ELAPOR2: variants seen among roughly 807,000 people sequenced by gnomAD.
ELAPOR2 encodes endosome-lysosome associated apoptosis and autophagy regulator family member 2.
A neutral mutation model predicts 120.7 loss-of-function variants in ELAPOR2; 89 were observed. That is an observed-to-expected ratio of 0.74 (90% CI 0.62 to 0.88). ELAPOR2 has a LOEUF of 0.88. ELAPOR2 is among the 40% of genes least tolerant of loss of function. The pLI is 0.00. For missense variants in ELAPOR2, 1,134 were observed against 1,251.6 expected (o/e 0.91, Z 1.42); for synonymous variants, 444 against 444.9 (o/e 1.00, Z 0.03).
intron 1 of ELAPOR2, among the ~76,000 whole-genome samples, chr7:86,994,671 A>G (rs1793065923): frequency 6.6e-6 from 1 of 152,132 alleles, no homozygotes; most frequent in Admixed American, 6.5e-5. Context: ...GTAAAAGTAA[A>G]TTGATTGGTA....
intron 8 of ELAPOR2, among the ~76,000 whole-genome samples, chr7:86,934,787 C>T (rs1406430090): frequency 6.6e-6 from 1 of 151,952 alleles, no homozygotes; most frequent in Non-Finnish European, 1.5e-5. Context: ...TCCAATATCT[C>T]CTCTTGCCCC....
At chr7:86,892,827 G>C in intron 20 of ELAPOR2, 95 bp downstream of exon 20, 3 of 1,142,748 alleles carry the variant, frequency 2.6e-6, no homozygotes, top group Non-Finnish European at 3.5e-6. Flanking sequence ...GTGTCTCTGA[G>C]AGAATCTATT....
At chr7:87,052,297 G>T (rs543566536) in intron 1 of ELAPOR2, among the ~76,000 whole-genome samples, 1 of 152,172 alleles carries the variant, frequency 6.6e-6, no homozygotes, top group South Asian at 2.1e-4. Context: ...CTCACATGGC[G>T]GCAGACAAGA....
At chr7:86,993,020 G>A (rs1355573268) in intron 1 of ELAPOR2, among the ~76,000 whole-genome samples, 3 of 151,918 alleles carry the variant, frequency 2.0e-5, no homozygotes, top group African/African-American at 4.8e-5. Flanking sequence ...GGTGGATCAC[G>A]AGGTCAAGAG....
intron 1 of ELAPOR2, among the ~76,000 whole-genome samples, chr7:86,972,342 G>A (rs953817352): frequency 6.6e-6 from 1 of 152,054 alleles, no homozygotes; most frequent in African/African-American, 2.4e-5. Flanking sequence ...AGTGAGTTTT[G>A]CTATAAAACC....
At chr7:86,900,211 G>A (rs1359567697) in intron 18 of ELAPOR2, among the ~76,000 whole-genome samples, 1 of 151,106 alleles carries the variant, frequency 6.6e-6, no homozygotes, top group African/African-American at 2.4e-5. Context: ...TAAAATCTGA[G>A]AAAAATGAAC....
chr7:86,925,762 G>A, intron 9 of ELAPOR2, 106 bp from the exon 10 acceptor site: 5 of 1,028,334 alleles, frequency 4.9e-6, no homozygotes, highest in East Asian at 2.5e-5. Flanking sequence ...GGAGAGAAGT[G>A]GAAAAAAAAG....
At chr7:87,053,756 C>T (rs1364511155) in intron 1 of ELAPOR2, among the ~76,000 whole-genome samples, 1 of 152,164 alleles carries the variant, frequency 6.6e-6, no homozygotes, top group Non-Finnish European at 1.5e-5. Flanking sequence ...AGGGATGGAT[C>T]TAGGTCAGGA....
At chr7:87,035,095 A>G (rs1411676548) in intron 1 of ELAPOR2, among the ~76,000 whole-genome samples, 1 of 152,126 alleles carries the variant, frequency 6.6e-6, no homozygotes, top group Non-Finnish European at 1.5e-5. Context: ...CTCAAAAAAA[A>G]AAAAAAAAAA....
chr7:86,980,567 T>C (rs1792432408), intron 1 of ELAPOR2, among the ~76,000 whole-genome samples: 1 of 152,140 alleles, frequency 6.6e-6, no homozygotes, highest in East Asian at 1.9e-4. Flanking sequence ...TAACCTTGCA[T>C]TCTACGTTGA....
At chr7:86,908,252 A>G (rs1388546815) in intron 17 of ELAPOR2, among the ~76,000 whole-genome samples, 195 bp downstream of exon 17, 1 of 151,896 alleles carries the variant, frequency 6.6e-6, no homozygotes, top group Non-Finnish European at 1.5e-5. Context: ...TCATTTAAGA[A>G]TCAGTTACTA....
chr7:86,978,731 A>T (rs1269939233), intron 1 of ELAPOR2, among the ~76,000 whole-genome samples: 98 of 152,198 alleles, frequency 6.4e-4, no homozygotes, highest in Non-Finnish European at 5.9e-5. Context: ...TCTATCTGTA[A>T]TAAGATTGTA....
intron 21 of ELAPOR2, among the ~76,000 whole-genome samples, chr7:86,887,830 CT>C (rs1321089891): frequency 1.3e-5 from 2 of 152,064 alleles, no homozygotes; most frequent in Non-Finnish European, 2.9e-5. Flanking sequence ...AAGGGATCAT[CT>C]CCTTTTGGCC....
intron 21 of ELAPOR2, among the ~76,000 whole-genome samples, chr7:86,882,644 T>C (rs1799467039): frequency 1.3e-5 from 2 of 152,180 alleles, no homozygotes; most frequent in Non-Finnish European, 2.9e-5. Context: ...ATCTCATTCA[T>C]TGTTTAATTC....
chr7:86,918,591 C>G, intron 11 of ELAPOR2, 47 bp from the exon 12 acceptor site: 1 of 1,144,032 alleles, frequency 8.7e-7, no homozygotes, highest in Non-Finnish European at 1.3e-6. Context: ...GTTCTAAATA[C>G]AATTTAGAAT....
intron 2 of ELAPOR2, among the ~76,000 whole-genome samples, chr7:86,958,891 T>A (rs1368338416): frequency 1.3e-5 from 2 of 152,202 alleles, no homozygotes; most frequent in African/African-American, 4.8e-5. Flanking sequence ...TTAATAGAGA[T>A]TGCATTAAAT....
chr7:86,965,171 T>C, intron 1 of ELAPOR2, 147 bp from the exon 2 acceptor site: 1 of 764,498 alleles, frequency 1.3e-6, no homozygotes, highest in Non-Finnish European at 2.1e-6. Flanking sequence ...CCAAGCAGCT[T>C]ATTGATCAAA....
intron 1 of ELAPOR2, among the ~76,000 whole-genome samples, chr7:86,990,846 C>T (rs772566547): frequency 3.9e-5 from 6 of 152,234 alleles, no homozygotes; most frequent in Middle Eastern, 6.8e-3. Flanking sequence ...AGAAGCAATA[C>T]GCTCTCCAAC....
chr7:87,008,076 A>C (rs1487680467), intron 1 of ELAPOR2, among the ~76,000 whole-genome samples: 1 of 152,208 alleles, frequency 6.6e-6, no homozygotes, highest in Non-Finnish European at 1.5e-5. Flanking sequence ...GTAATTTTAT[A>C]GTGAAAGTCC....
Sources: gnomAD v4.1 joint callset for allele counts (sites outside exome capture counted in the v4.1 genomes callset) on GRCh38, gnomAD v4.1.1 for gene constraint, MANE v1.5 for transcripts, NCBI Gene and HGNC (gene_info 2026-07-23, HGNC 2026-07-21) for gene names.